The following LTN1 variants were observed in gnomAD, a reference collection of about 807,000 sequenced individuals.
LTN1 encodes the protein listerin E3 ubiquitin protein ligase 1.
Under a neutral mutation model 201.2 loss-of-function variants are expected in LTN1, and 88 were observed. The observed-to-expected ratio is 0.44, with a 90% CI of 0.37 to 0.52. The LOEUF (loss-of-function observed/expected upper bound fraction) is 0.52, where lower values mean the gene tolerates loss of function less well. Among genes scored for constraint, LTN1 ranks in the 20% least tolerant of loss-of-function variants. The pLI, the probability that LTN1 is intolerant of heterozygous loss-of-function variation, is 0.00. For missense variants in LTN1, 1,752 were observed against 2,038.7 expected, an observed-to-expected ratio of 0.86 and a Z score of 2.71; for synonymous variants, 645 against 713.5, an observed-to-expected ratio of 0.90 and a Z score of 1.53.
intron 27 of LTN1, among the ~76,000 whole-genome samples, chr21:28,933,677 CT>C (rs369698319): frequency 0.13 from 17,725 of 135,466 alleles, 819 homozygotes; most frequent in South Asian, 0.22. Flanking sequence ...CTCTCTCTCT[CT>C]TTTTTTTTTT....
chr21:28,955,177 G>T (rs1013196453), intron 16 of LTN1, among the ~76,000 whole-genome samples: 7 of 152,016 alleles, frequency 4.6e-5, no homozygotes, highest in African/African-American at 1.7e-4. Flanking sequence ...TGTCAAAAAG[G>T]TAAGAAATAA....
chr21:28,959,417 C>A (rs572831938), intron 13 of LTN1, 41 bp downstream of exon 13: 1 of 1,591,136 alleles, frequency 6.3e-7, no homozygotes, highest in Non-Finnish European at 8.6e-7. Context: ...AAGGTCAGAG[C>A]CGGAGATTCC....
In LTN1 at chr21:28,982,336, A is replaced by G. The variant is rs1431019590; in HGVS notation, c.609T>C (p.Pro203=). 2 of 1,613,828 alleles carry G rather than the reference A, an allele frequency of 1.2e-6. No homozygotes were observed. The change falls in exon 5 of 30, where the codon CCT becomes CCC. Residue 203 remains proline (P), a synonymous_variant. Transcript: ENST00000361371. ...VLQDHLIKET[P]DTLSDPQTVP... is the part of the protein sequence containing the mutation. ...CTTACTGCGGGTCACTGAGTGTATC[A>G]GGTGTTTCTTTTATAAGATGATCCT...
rs536919080 is a variant in LTN1, at chr21:28,959,843, T to C, written c.2354-146A>G. On this transcript the variant is annotated intron_variant, in intron 12 of 29. Transcript: ENST00000361371. ...ATTTTATCAACAAATCAACACATTC[T>C]CTCACACATAAAGGCCCTCAAGTAA... 74 of 678,400 alleles carry C rather than the reference T, an allele frequency of 1.1e-4. No homozygotes were observed. In the African/African-American group the frequency reaches 1.3e-3, roughly 12 times the overall value. The allele number at this position is 678,400 out of a possible 1,614,324, so 42.0% of individuals were successfully genotyped here. A position where few individuals can be genotyped will look rare whatever the true frequency, so the allele number is the denominator to read the frequency against.
chr21:28,959,173 T>A (rs1017258434), intron 13 of LTN1, among the ~76,000 whole-genome samples: 8 of 152,200 alleles, frequency 5.3e-5, no homozygotes, highest in Non-Finnish European at 1.2e-4. Flanking sequence ...ATCAAGAAAT[T>A]AAGGAACATG....
At chr21:28,940,406 G>A (rs2084288037) in intron 25 of LTN1, among the ~76,000 whole-genome samples, 1 of 151,974 alleles carries the variant, frequency 6.6e-6, no homozygotes, top group South Asian at 2.1e-4. Context: ...AGAATAATTT[G>A]GACAAAATAT....
In LTN1 at chr21:28,945,808, T is replaced by C; in HGVS notation, c.3767A>G (p.Glu1256Gly). The change falls in exon 21 of 30, where the codon GAG becomes GGG. Residue 1256 changes from glutamate (E) to glycine (G), a missense_variant and splice_region_variant. By Grantham distance (98) the Glu-to-Gly change is moderately conservative. Coordinates refer to ENST00000361371, the MANE Select transcript of LTN1 (RefSeq NM_015565.3). ...FIMCSMLAWL[E>G]TTSENQALYS... The stretch of plus-strand genomic sequence containing the variant: ...TGATGACATATCGGGTTAATTTACC[T>C]CCAACCAAGCCAACATGGAGCACAT... 6.2e-7 allele frequency: 1 copy of C among 1,612,372 alleles called. No individual in the cohort carries two copies. The highest frequency in any genetic ancestry group is 2.2e-5 in the East Asian group (1 of 44,838).
intron 25 of LTN1, among the ~76,000 whole-genome samples, 188 bp downstream of exon 25, chr21:28,941,032 G>A (rs1382323296): frequency 6.6e-6 from 1 of 152,300 alleles, no homozygotes; most frequent in African/African-American, 2.4e-5. Context: ...AGCCGAGATT[G>A]TGCCACTGCA....
chr21:28,989,713 C>T (rs1036560106), intron 1 of LTN1, among the ~76,000 whole-genome samples: 2 of 152,094 alleles, frequency 1.3e-5, no homozygotes, highest in South Asian at 4.1e-4. Flanking sequence ...AAACTGAATT[C>T]GAAGTTCTCT....
At position 28,966,606 on chromosome 21, in the gene LTN1, C is replaced by G. The variant is rs766001838; in HGVS notation, c.1885G>C (p.Val629Leu). The G allele has an allele frequency of 1.2e-6, 2 of 1,614,074 alleles. No homozygotes were observed. Among genetic ancestry groups the G allele is most frequent in the Non-Finnish European group, 1.7e-6 (2 of 1,180,016 alleles). ...TLLDSFSSSR[V>L]FKMLLGDEKQ... ...TCATCACCAAGTAGCATTTTAAATA[C>G]TCGGCTTGAAGAAAAGGAGTCAAGC... Residue 629 changes from valine (V) to leucine (L), a missense_variant, in exon 10 of 30, where the codon GTA becomes CTA. Val to Leu is a conservative substitution (Grantham distance 32). Transcript: ENST00000361371.
In LTN1 at chr21:28,966,526, T is replaced by A; in HGVS notation, c.1965A>T (p.Lys655Asn). The A allele has an allele frequency of 6.2e-7, 1 of 1,614,176 alleles. No homozygotes were observed. The highest frequency in any genetic ancestry group is 8.5e-7 in the Non-Finnish European group (1 of 1,180,016). Reference protein sequence around the residue: ...KPLEIAKLVQKNPAVQFLYQK... With the variant: ...KPLEIAKLVQNNPAVQFLYQK... Reference sequence around the variant, plus strand: ...GGTATAAAAACTGCACCGCAGGATTTTTTTGTACAAGCTTGGCTATTTCAA... The same window carrying A: ...GGTATAAAAACTGCACCGCAGGATTATTTTGTACAAGCTTGGCTATTTCAA... The change falls in exon 10 of 30, where the codon AAA becomes AAT. Residue 655 changes from lysine (K) to asparagine (N), a missense_variant. This residue lies in a region of LTN1 where 1,211 missense variants were observed against 1,312.8 expected (regional missense o/e 0.92). Coordinates refer to ENST00000361371, the MANE Select transcript of LTN1 (RefSeq NM_015565.3).
chr21:28,964,780 G>A, intron 11 of LTN1: 1 of 1,547,884 alleles, frequency 6.5e-7, no homozygotes, highest in Non-Finnish European at 8.7e-7. Flanking sequence ...AGTTGGAAAT[G>A]GATACATTAG....
At chr21:28,984,026 G>A (rs1452993245) in intron 4 of LTN1, among the ~76,000 whole-genome samples, 1 of 152,138 alleles carries the variant, frequency 6.6e-6, no homozygotes, top group Non-Finnish European at 1.5e-5. Context: ...TTAGCCCAGT[G>A]TGGAGAAACT....
chr21:28,970,320 T>C (rs2084563253), intron 8 of LTN1, among the ~76,000 whole-genome samples: 1 of 152,244 alleles, frequency 6.6e-6, no homozygotes, highest in African/African-American at 2.4e-5. Flanking sequence ...AATAGCCTAG[T>C]TGACCTATTT....
chr21:28,959,306 G>C, intron 13 of LTN1, 152 bp downstream of exon 13: 1 of 833,554 alleles, frequency 1.2e-6, no homozygotes, highest in Non-Finnish European at 1.9e-6. Flanking sequence ...GCTTTCTAGA[G>C]CTGAAAGTGT....
At position 28,986,058 on chromosome 21, in the gene LTN1, A is replaced by G; in HGVS notation, c.345+81T>C. ...CATTTAATAACCCTCACCAAAAATCAACATTATAAATTTGAGAGTCTCCAT... is the reference window on the plus strand; with the variant it reads ...CATTTAATAACCCTCACCAAAAATCGACATTATAAATTTGAGAGTCTCCAT... On this transcript the variant is annotated intron_variant, in intron 3 of 29. Coordinates refer to ENST00000361371, the MANE Select transcript of LTN1 (RefSeq NM_015565.3). This position sits in a 1 kb window ranked among gnomAD's most constrained non-coding sequence, Gnocchi z 4.1. 1.4e-6 allele frequency: 1 copy of G among 738,666 alleles called. No homozygotes were observed. Among genetic ancestry groups the G allele is most frequent in the Non-Finnish European group, 2.4e-6 (1 of 415,474 alleles). 45.8% of individuals were successfully genotyped at this position (738,666 alleles called of 1,614,324 possible). A position where few individuals can be genotyped will look rare whatever the true frequency, so the allele number is the denominator to read the frequency against.
At position 28,986,678 on chromosome 21, in the gene LTN1, T is replaced by G. The variant is rs1238370629; in HGVS notation, c.246+53A>C. On this transcript the variant is annotated intron_variant, in intron 2 of 29. Transcript: ENST00000361371. This position sits in a 1 kb window ranked among gnomAD's most constrained non-coding sequence, Gnocchi z 4.1. Reference sequence around the variant, plus strand: ...TACATAAAACATGCTAATGACATTTTATTTTAACAAAGGGATTTTCTTGAT... The same window carrying G: ...TACATAAAACATGCTAATGACATTTGATTTTAACAAAGGGATTTTCTTGAT... The G allele has an allele frequency of 7.3e-7, 1 of 1,376,118 alleles. No individual in the cohort carries two copies. The highest frequency in any genetic ancestry group is 1.4e-5 in the African/African-American group (1 of 69,620). The allele number at this position is 1,376,118 out of a possible 1,614,324, so 85.2% of individuals were successfully genotyped here. A position where few individuals can be genotyped will look rare whatever the true frequency, so the allele number is the denominator to read the frequency against.
chr21:28,984,348 T>C (rs1001959768), intron 4 of LTN1, among the ~76,000 whole-genome samples: 5 of 152,042 alleles, frequency 3.3e-5, no homozygotes, highest in African/African-American at 4.8e-5. Flanking sequence ...TGTATATATA[T>C]ATATATTGAT....
In LTN1 at chr21:28,953,247, G is replaced by C. The variant is rs114047852; in HGVS notation, c.3209C>G (p.Thr1070Arg). 3 of 1,584,178 alleles carry C rather than the reference G, an allele frequency of 1.9e-6. No homozygotes were observed. Among genetic ancestry groups the C allele is most frequent in the Non-Finnish European group, 1.7e-6 (2 of 1,171,240 alleles). Reference protein sequence around the residue: ...TYDNLRVLGNTSGLLQLLFNR... With the variant: ...TYDNLRVLGNRSGLLQLLFNR... Reference sequence around the variant, plus strand: ...AAATAACAGCTGCAAAAGGCCCGACGTATTACCAAGTACACGTAAGTTATC... The same window carrying C: ...AAATAACAGCTGCAAAAGGCCCGACCTATTACCAAGTACACGTAAGTTATC... Residue 1070 changes from threonine (T) to arginine (R), a missense_variant, in exon 17 of 30, where the codon ACG becomes AGG. Physicochemically the swap from Thr to Arg is moderately conservative, Grantham distance 71. Coordinates refer to ENST00000361371, the MANE Select transcript of LTN1 (RefSeq NM_015565.3).
Sources: allele counts gnomAD v4.1 joint callset (sites outside exome capture counted in the v4.1 genomes callset), GRCh38; gene constraint gnomAD v4.1.1; regional missense constraint gnomAD v4.1.1; non-coding constraint Gnocchi (gnomAD v3.1); transcripts MANE v1.5; gene names NCBI Gene and HGNC (gene_info 2026-07-23, HGNC 2026-07-21).